The following SLC24A2 variants were observed in gnomAD, a reference collection of about 807,000 sequenced individuals.
SLC24A2 encodes the protein solute carrier family 24 member 2.
In SLC24A2, 36 loss-of-function variants were observed where a neutral mutation model predicts 62.0. The observed-to-expected ratio is 0.58, with a 90% confidence interval of 0.44 to 0.77. The LOEUF is 0.77. Among genes scored for constraint, SLC24A2 ranks in the 30% least tolerant of loss-of-function variants. The pLI is 0.00. For synonymous variants in SLC24A2, 358 were observed against 294.0 expected, an observed-to-expected ratio of 1.22 and a Z score of -2.23; for missense variants, 846 against 817.9, an observed-to-expected ratio of 1.03 and a Z score of -0.42.
the SLC24A2 span, among the ~76,000 whole-genome samples, chr9:19,854,774 T>G: frequency 2.6e-5 from 4 of 152,148 alleles, no homozygotes; most frequent in East Asian, 1.9e-4. Context: ...CTGTCATTTT[T>G]GGGTGGAGAG....
the SLC24A2 span, among the ~76,000 whole-genome samples, chr9:20,286,249 C>A: frequency 6.6e-6 from 1 of 152,264 alleles, no homozygotes; most frequent in South Asian, 2.1e-4. Context: ...ATGGCTTGAC[C>A]AAATGAAGGC....
chr9:20,078,978 A>G, the SLC24A2 span, among the ~76,000 whole-genome samples: 1 of 149,396 alleles, frequency 6.7e-6, no homozygotes, highest in Non-Finnish European at 1.5e-5. Context: ...TCTAAAAGAA[A>G]TGTTCGTATG....
rs374580861 is a variant in SLC24A2, at chr9:19,560,386, G to C, written c.1348-10118C>G. 4.0e-5 allele frequency among the ~76,000 whole-genome samples: 6 copies of C among 148,538 alleles called. No individual in the cohort carries two copies. The East Asian group carries it at 1.0e-3, about 25-fold the overall frequency. ...ATGAGGCCTCTAATGAAGTGATTAA[G>C]GTTAAATGAGGTAATAAGGGTGGGG... On this transcript the variant is annotated intron_variant, in intron 7 of 10. Coordinates refer to ENST00000341998, the MANE Select transcript of SLC24A2 (RefSeq NM_020344.4).
chr9:19,738,553 G>C (rs1821577481), intron 2 of SLC24A2, among the ~76,000 whole-genome samples: 1 of 152,010 alleles, frequency 6.6e-6, no homozygotes, highest in African/African-American at 2.4e-5. Flanking sequence ...AAATAAAGCT[G>C]TCATAATATT....
chr9:20,116,335 T>C, the SLC24A2 span, among the ~76,000 whole-genome samples: 1 of 152,132 alleles, frequency 6.6e-6, no homozygotes, highest in Non-Finnish European at 1.5e-5. Context: ...TGCCTGCAGA[T>C]CTTAGAACCC....
At chr9:20,275,362 G>A in the SLC24A2 span, among the ~76,000 whole-genome samples, 1 of 151,800 alleles carries the variant, frequency 6.6e-6, no homozygotes, top group Non-Finnish European at 1.5e-5. Context: ...AATTCCTAGA[G>A]TTACCTTGCC....
chr9:19,513,310 G>C lies in SLC24A2; in HGVS notation c.*2843C>G, dbSNP rs1832801308. 6.6e-6 allele frequency: 1 copy of C among 151,882 alleles called. No homozygotes were observed. The highest frequency in any genetic ancestry group is 1.5e-5 in the Non-Finnish European group (1 of 67,978). 9.4% of individuals were successfully genotyped at this position (151,882 alleles called of 1,614,324 possible). A position where few individuals can be genotyped will look rare whatever the true frequency, so the allele number is the denominator to read the frequency against. On this transcript the variant is annotated 3_prime_UTR_variant, in exon 11 of 11. Coordinates refer to ENST00000341998, the MANE Select transcript of SLC24A2 (RefSeq NM_020344.4). ...ATGCCAATGATTTGAATGGTTTAAA[G>C]ACCCATTGTTGAACTCTGTACACAT...
intron 4 of SLC24A2, among the ~76,000 whole-genome samples, chr9:19,612,446 C>A (rs914222005): frequency 3.3e-5 from 5 of 152,150 alleles, no homozygotes; most frequent in Non-Finnish European, 5.9e-5. Context: ...TCCAGAGTAG[C>A]TGGGATTACA....
the SLC24A2 span, among the ~76,000 whole-genome samples, chr9:20,266,765 A>T: frequency 6.6e-6 from 1 of 152,216 alleles, no homozygotes; most frequent in Non-Finnish European, 1.5e-5. Context: ...AAGTGGAGAC[A>T]CTGAGCAGTA....
At chr9:19,622,563 G>A (rs575295319) in intron 2 of SLC24A2, among the ~76,000 whole-genome samples, 3 of 152,276 alleles carry the variant, frequency 2.0e-5, no homozygotes, top group East Asian at 3.9e-4. Flanking sequence ...GAGCAGTTAA[G>A]TCAACTGTGG....
At chr9:20,254,210 G>A in the SLC24A2 span, among the ~76,000 whole-genome samples, 1 of 152,326 alleles carries the variant, frequency 6.6e-6, no homozygotes, top group African/African-American at 2.4e-5. Flanking sequence ...CTTGGAATTT[G>A]TGAATAATTC....
chr9:20,163,783 G>C, the SLC24A2 span, among the ~76,000 whole-genome samples: 1 of 152,048 alleles, frequency 6.6e-6, no homozygotes, highest in Non-Finnish European at 1.5e-5. Flanking sequence ...CCAAAACAGA[G>C]ATATAGACCA....
At chr9:19,581,586 T>C (rs1836211819) in intron 5 of SLC24A2, among the ~76,000 whole-genome samples, 1 of 152,210 alleles carries the variant, frequency 6.6e-6, no homozygotes, top group Non-Finnish European at 1.5e-5. Flanking sequence ...GGAACTGCTA[T>C]TCAGAAAGGG....
rs536065364 is a variant in SLC24A2, at chr9:19,596,157, C to T, written c.1129+1072G>A. ...GGCTGGGAAGGGGCTTCCTCTTGCC[C>T]GGGGTTGTCAGATGTTTCACTTCTT... On this transcript the variant is annotated intron_variant, in intron 5 of 10. Transcript: ENST00000341998. 1.8e-3 allele frequency among the ~76,000 whole-genome samples: 274 copies of T among 152,230 alleles called. 1 individual carries two copies. Among genetic ancestry groups the T allele is most frequent in the African/African-American group, 6.0e-3 (251 of 41,540 alleles).
At chr9:19,937,979 G>C in the SLC24A2 span, among the ~76,000 whole-genome samples, 1 of 152,048 alleles carries the variant, frequency 6.6e-6, no homozygotes, top group Non-Finnish European at 1.5e-5. Flanking sequence ...ATGAAAAGAA[G>C]AAAACAGAAC....
At chr9:20,238,676 C>G in the SLC24A2 span, among the ~76,000 whole-genome samples, 1 of 152,196 alleles carries the variant, frequency 6.6e-6, no homozygotes, top group Non-Finnish European at 1.5e-5. Flanking sequence ...TGTTTGCATG[C>G]TTTGGGACAC....
chr9:19,914,188 G>A, the SLC24A2 span, among the ~76,000 whole-genome samples: 1 of 151,986 alleles, frequency 6.6e-6, no homozygotes, highest in Non-Finnish European at 1.5e-5. Flanking sequence ...TCCAGGGTTA[G>A]ATTCTTGACA....
chr9:20,110,208 A>C, the SLC24A2 span, among the ~76,000 whole-genome samples: 1 of 152,058 alleles, frequency 6.6e-6, no homozygotes, highest in African/African-American at 2.4e-5. Flanking sequence ...TAAACCATTT[A>C]AACCCTAAAC....
At chr9:20,062,373 G>C in the SLC24A2 span, among the ~76,000 whole-genome samples, 78 of 132,938 alleles carry the variant, frequency 5.9e-4, no homozygotes, top group East Asian at 0.017. Context: ...ACAAACCTGA[G>C]AAAAACAAGC....
Sources: gnomAD v4.1 joint callset for allele counts (sites outside exome capture counted in the v4.1 genomes callset) on GRCh38, gnomAD v4.1.1 for gene constraint, MANE v1.5 for transcripts, NCBI Gene and HGNC (gene_info 2026-07-23, HGNC 2026-07-21) for gene names.